Variants in ACOX1 observed in about 807,000 individuals in gnomAD.
The protein encoded by ACOX1 is acyl-CoA oxidase 1.
Under a neutral mutation model 75.5 loss-of-function variants are expected in ACOX1, and 41 were observed. The observed-to-expected ratio is 0.54, with a 90% CI of 0.42 to 0.70. The LOEUF is 0.70. ACOX1 is among the 30% of genes least tolerant of loss of function. The probability of loss-of-function intolerance (pLI) is 0.00; values close to 1 mark genes in which losing one functional copy is unlikely to be tolerated. For missense variants in ACOX1, 630 were observed against 837.5 expected (o/e 0.75, Z 3.06); for synonymous variants, 303 against 298.8 (o/e 1.01, Z -0.15).
intron 2 of ACOX1, chr17:75,973,550 A>G (rs2066016389): frequency 6.6e-7 from 1 of 1,520,724 alleles, no homozygotes; most frequent in Admixed American, 1.7e-5. Flanking sequence ...GCAGCAGAAA[A>G]AAGTCAAATG....
chr17:75,962,941 G>C (rs530202720), intron 2 of ACOX1, among the ~76,000 whole-genome samples: 2 of 152,062 alleles, frequency 1.3e-5, no homozygotes, highest in Admixed American at 1.3e-4. Flanking sequence ...GACCAGCCTG[G>C]TCAACAGGGT....
intron 8 of ACOX1, 127 bp from the exon 9 acceptor site, chr17:75,951,091 G>A (rs2065770242): frequency 9.9e-7 from 1 of 1,014,942 alleles, no homozygotes; most frequent in Non-Finnish European, 1.5e-6. Context: ...CATGCAAACT[G>A]AAGAAGCACA....
intron 2 of ACOX1, among the ~76,000 whole-genome samples, chr17:75,974,717 GA>G (rs569071294): frequency 1.2e-3 from 178 of 152,220 alleles, no homozygotes; most frequent in African/African-American, 3.9e-3. Context: ...GGGGGACCCT[GA>G]AACCAAACTA....
chr17:75,967,005 G>A (rs1046238895), intron 2 of ACOX1, among the ~76,000 whole-genome samples: 10 of 149,094 alleles, frequency 6.7e-5, no homozygotes, highest in South Asian at 6.3e-4. Flanking sequence ...TAGAAATCTC[G>A]GAAGCTGCGC....
chr17:75,958,684 T>G (rs1234212694), intron 3 of ACOX1, among the ~76,000 whole-genome samples: 2 of 151,782 alleles, frequency 1.3e-5, no homozygotes, highest in East Asian at 1.9e-4. Context: ...GGTGGGTGCC[T>G]GTAGTCCCAG....
intron 12 of ACOX1, 31 bp downstream of exon 12, chr17:75,949,186 C>A (rs1390726896): frequency 6.2e-7 from 1 of 1,613,588 alleles, no homozygotes; most frequent in Non-Finnish European, 8.5e-7. Flanking sequence ...AAAACAACAA[C>A]AAAAAAGACT....
Position 75,960,280 on chromosome 17 carries a change from C to T in ACOX1, c.365G>A (p.Arg122His), listed in dbSNP as rs768462369. ...CAAGTTCCAGGCGGGCATGAAGAAG[C>T]GCTCCTGCTGCTCCGCAGTTGCCTG... ...LHQATAEQQE[R>H]FFMPAWNLEI... The change falls in exon 3 of 14, where the codon CGC becomes CAC. Residue 122 changes from arginine to histidine, a missense_variant. Transcript: ENST00000293217. This position sits in a 1 kb window ranked among gnomAD's most constrained non-coding sequence, Gnocchi z 4.4. 9 of 1,614,076 alleles carry T rather than the reference C, an allele frequency of 5.6e-6. No homozygotes were observed. The highest frequency in any genetic ancestry group is 4.5e-5 in the East Asian group (2 of 44,896).
At chr17:75,962,289 A>T (rs1156470514) in intron 2 of ACOX1, among the ~76,000 whole-genome samples, 3 of 152,234 alleles carry the variant, frequency 2.0e-5, no homozygotes, top group Non-Finnish European at 4.4e-5. Flanking sequence ...AGAAATTATC[A>T]TTAATGATAA....
chr17:75,956,992 TATATATATATATATATAC>T (rs1567878107), intron 4 of ACOX1, among the ~76,000 whole-genome samples: 1 of 92,800 alleles, frequency 1.1e-5, no homozygotes, highest in Admixed American at 1.4e-4. Context: ...TATATATATA[TATATATATATATATATAC>T]ACACACACAC....
intron 2 of ACOX1, among the ~76,000 whole-genome samples, chr17:75,966,874 T>C (rs895194789): frequency 2.0e-5 from 3 of 152,100 alleles, no homozygotes; most frequent in African/African-American, 7.2e-5. Flanking sequence ...AACCTATCAA[T>C]GTAATATATT....
intron 2 of ACOX1, among the ~76,000 whole-genome samples, chr17:75,969,917 G>T (rs559525522): frequency 6.6e-6 from 1 of 152,222 alleles, no homozygotes; most frequent in African/African-American, 2.4e-5. Flanking sequence ...GGGTGCAGTG[G>T]CTTACACTTC....
intron 2 of ACOX1, among the ~76,000 whole-genome samples, chr17:75,973,997 C>T (rs1210918249): frequency 6.6e-6 from 1 of 152,194 alleles, no homozygotes. Flanking sequence ...TTCAAGGCCA[C>T]AGTTCCCACA....
chr17:75,974,906 C>T (rs1481521896), intron 2 of ACOX1, among the ~76,000 whole-genome samples: 1 of 151,206 alleles, frequency 6.6e-6, no homozygotes, highest in African/African-American at 2.4e-5. Context: ...AAAAATTAGC[C>T]GGGTGTGGTG....
At chr17:75,949,136 A>C in intron 12 of ACOX1, 81 bp downstream of exon 12, 1 of 1,542,652 alleles carries the variant, frequency 6.5e-7, no homozygotes, top group Admixed American at 1.7e-5. Flanking sequence ...CTGGGATTAC[A>C]GGCATGAGCC....
rs2065723017 is a variant in ACOX1 at position 75,946,704 on chromosome 17, C to T, written c.*44G>A. On this transcript the variant is annotated 3_prime_UTR_variant, in exon 14 of 14. Coordinates refer to ENST00000293217, the MANE Select transcript of ACOX1 (RefSeq NM_004035.7). ...AAGATTCCACAAAATTTGAGTTGCACACAGGCGCTTTCTGAAGCAGATTAA... is the reference window on the plus strand; with the variant it reads ...AAGATTCCACAAAATTTGAGTTGCATACAGGCGCTTTCTGAAGCAGATTAA... The T allele has an allele frequency of 1.1e-5, 17 of 1,589,104 alleles. No homozygotes were observed. Among genetic ancestry groups the T allele is most frequent in the Non-Finnish European group, 1.5e-5 (17 of 1,157,704 alleles).
chr17:75,962,870 G>A (rs931834140), intron 2 of ACOX1, among the ~76,000 whole-genome samples: 4 of 151,856 alleles, frequency 2.6e-5, no homozygotes, highest in African/African-American at 4.8e-5. Flanking sequence ...GGTGGCTCAC[G>A]CCTGTAATCC....
At position 75,955,695 on chromosome 17, in the gene ACOX1, A is replaced by G. The variant is rs1489272933; in HGVS notation, c.659-14T>C. ...CAACGGTAATTCCTACCACAGATGA[A>G]AGGACAGTCACGAGATGTTTATGCT... On this transcript the variant is annotated splice_polypyrimidine_tract_variant and intron_variant, in intron 5 of 13. Coordinates refer to ENST00000293217, the MANE Select transcript of ACOX1 (RefSeq NM_004035.7). The G allele has an allele frequency of 1.2e-6, 2 of 1,612,442 alleles. No individual in the cohort carries two copies. Among genetic ancestry groups the G allele is most frequent in the South Asian group, 2.2e-5 (2 of 91,034 alleles).
intron 2 of ACOX1, among the ~76,000 whole-genome samples, chr17:75,967,629 TAC>T (rs997934619): frequency 2.1e-5 from 2 of 95,474 alleles, no homozygotes; most frequent in Non-Finnish European, 3.6e-5. Context: ...CATATATATA[TAC>T]ATACATATAT....
intron 2 of ACOX1, among the ~76,000 whole-genome samples, chr17:75,976,991 CTTTTT>C (rs1019883355): frequency 1.2e-3 from 96 of 78,880 alleles, no homozygotes; most frequent in African/African-American, 4.7e-3. Context: ...GCAAAAAAGT[CTTTTT>C]TTTTTTTTTT....
Sources: gnomAD v4.1 joint callset for allele counts (sites outside exome capture counted in the v4.1 genomes callset) on GRCh38, gnomAD v4.1.1 for gene constraint, Gnocchi (gnomAD v3.1) non-coding constraint, MANE v1.5 for transcripts, NCBI Gene and HGNC (gene_info 2026-07-23, HGNC 2026-07-21) for gene names.